BRINP3: variants seen among roughly 807,000 people sequenced by gnomAD.
BRINP3 encodes the protein BMP/retinoic acid inducible neural specific 3.
BRINP3 carries 19 observed loss-of-function variants against 71.0 expected under a neutral mutation model. The ratio of observed to expected loss-of-function variants is 0.27; its 90% CI spans 0.19 to 0.39. The LOEUF (loss-of-function observed/expected upper bound fraction) is 0.39. Ranked by LOEUF, BRINP3 falls within the 10% of genes least tolerant of loss-of-function variation. The pLI is 1.00. For synonymous variants in BRINP3, 380 were observed against 337.7 expected (o/e 1.13, Z -1.37); for missense variants, 959 against 940.8 (o/e 1.02, Z -0.25).
chr1:190,310,075 A>T (rs1448845991), intron 2 of BRINP3, among the ~76,000 whole-genome samples: 1 of 149,550 alleles, frequency 6.7e-6, no homozygotes, highest in African/African-American at 2.5e-5. Flanking sequence ...GTTTTAGTAT[A>T]TATGGACTCA....
rs1419287278 is a variant in BRINP3, at chr1:190,277,129, A to G, written c.427+4431T>C. 3.0e-5 allele frequency among the ~76,000 whole-genome samples: 4 copies of G among 134,640 alleles called. 1 individual carries two copies. The highest frequency in any genetic ancestry group is 7.8e-3 in the Middle Eastern group (2 of 258). The allele number at this position is 134,640 out of a possible 152,430, so 88.3% of individuals were successfully genotyped here. On this transcript the variant is annotated intron_variant, in intron 3 of 7. Transcript: ENST00000367462. Reference sequence around the variant, plus strand: ...TATATATATATATATTTATATTCAGAAAAGAAAACTTTTTCCCTGCATTCC... The same window carrying G: ...TATATATATATATATTTATATTCAGGAAAGAAAACTTTTTCCCTGCATTCC...
intron 2 of BRINP3, among the ~76,000 whole-genome samples, chr1:190,288,525 C>T (rs1663608192): frequency 6.6e-6 from 1 of 151,820 alleles, no homozygotes; most frequent in South Asian, 2.1e-4. Flanking sequence ...AAATGTAAAG[C>T]TTTCAGAATT....
At chr1:190,352,062 A>C (rs778203555) in intron 2 of BRINP3, among the ~76,000 whole-genome samples, 1 of 152,014 alleles carries the variant, frequency 6.6e-6, no homozygotes, top group Non-Finnish European at 1.5e-5. Context: ...TATACCCAAT[A>C]ATAAAAATAA....
intron 5 of BRINP3, among the ~76,000 whole-genome samples, chr1:190,231,197 AC>A (rs1657956769): frequency 2.0e-5 from 3 of 151,812 alleles, no homozygotes; most frequent in African/African-American, 7.2e-5. Context: ...GTCTAGAGTG[AC>A]CCTTCCTTCA....
intron 4 of BRINP3, among the ~76,000 whole-genome samples, chr1:190,253,086 T>G (rs9804075): frequency 0.56 from 85,327 of 151,752 alleles, 24,281 homozygotes; most frequent in Admixed American, 0.68. Flanking sequence ...CTGGATTCAT[T>G]TCCCTGCAAA....
chr1:190,191,648 G>C (rs1654045598), intron 6 of BRINP3, among the ~76,000 whole-genome samples: 1 of 151,674 alleles, frequency 6.6e-6, no homozygotes, highest in Admixed American at 6.6e-5. Context: ...TTTTTATCCA[G>C]TCTGTCACTG....
At chr1:190,210,788 G>C (rs1655916912) in intron 6 of BRINP3, among the ~76,000 whole-genome samples, 1 of 152,070 alleles carries the variant, frequency 6.6e-6, no homozygotes, top group Admixed American at 6.6e-5. Context: ...ATTATCATTT[G>C]AGTCAGCGGA....
At chr1:190,311,723 C>A (rs535116675) in intron 2 of BRINP3, among the ~76,000 whole-genome samples, 2 of 151,042 alleles carry the variant, frequency 1.3e-5, no homozygotes, top group Non-Finnish European at 3.0e-5. Context: ...TTGATTAGAT[C>A]TTCTAAATTG....
At chr1:190,322,862 A>G (rs991209014) in intron 2 of BRINP3, among the ~76,000 whole-genome samples, 1 of 152,210 alleles carries the variant, frequency 6.6e-6, no homozygotes, top group South Asian at 2.1e-4. Flanking sequence ...CTGAGTACTC[A>G]TTAAGTTTCA....
At chr1:190,446,993 A>C (rs938964475) in intron 2 of BRINP3, among the ~76,000 whole-genome samples, 5 of 151,972 alleles carry the variant, frequency 3.3e-5, no homozygotes, top group African/African-American at 4.8e-5. Flanking sequence ...TAAAACAGAA[A>C]GATGAAAAAG....
At chr1:190,111,182 T>TAA (rs750953190) in intron 7 of BRINP3, among the ~76,000 whole-genome samples, 5,193 of 61,778 alleles carry the variant, frequency 0.084, 537 homozygotes, top group East Asian at 0.15. Context: ...AAGACTCCAT[T>TAA]AAAAAAAAAA....
At chr1:190,116,990 GA>G (rs1175421967) in intron 7 of BRINP3, among the ~76,000 whole-genome samples, 2 of 152,046 alleles carry the variant, frequency 1.3e-5, no homozygotes, top group Admixed American at 1.3e-4. Flanking sequence ...TACAGTTGGT[GA>G]AAAGGGAGTA....
intron 2 of BRINP3, among the ~76,000 whole-genome samples, chr1:190,376,987 G>A (rs1158979222): frequency 1.3e-5 from 2 of 151,806 alleles, no homozygotes; most frequent in African/African-American, 4.8e-5. Context: ...CCAATTTGAT[G>A]GTCATTAACC....
At chr1:190,204,413 A>T (rs572345188) in intron 6 of BRINP3, among the ~76,000 whole-genome samples, 24 of 150,746 alleles carry the variant, frequency 1.6e-4, no homozygotes, top group African/African-American at 5.9e-4. Flanking sequence ...AGACTATAGA[A>T]ATAAATTGAC....
intron 2 of BRINP3, among the ~76,000 whole-genome samples, chr1:190,358,640 G>T (rs1388373777): frequency 6.6e-6 from 1 of 152,110 alleles, no homozygotes; most frequent in Non-Finnish European, 1.5e-5. Context: ...AATACCATTT[G>T]ACCCAGCCAT....
At chr1:190,422,165 A>C (rs1285535125) in intron 2 of BRINP3, among the ~76,000 whole-genome samples, 1 of 151,762 alleles carries the variant, frequency 6.6e-6, no homozygotes. Flanking sequence ...AGTGGTACTT[A>C]ACTCGTGGTT....
chr1:190,333,351 T>A (rs1365692271), intron 2 of BRINP3, among the ~76,000 whole-genome samples: 7 of 151,962 alleles, frequency 4.6e-5, no homozygotes, highest in Admixed American at 6.6e-5. Flanking sequence ...ATCACATTTG[T>A]TAATAACACT....
At chr1:190,452,912 C>T (rs144974363) in intron 2 of BRINP3, among the ~76,000 whole-genome samples, 130 of 152,238 alleles carry the variant, frequency 8.5e-4, no homozygotes, top group African/African-American at 2.5e-3. Flanking sequence ...AGCTGATTGA[C>T]TGATAAGCTA....
At chr1:190,235,511 T>C (rs1259687418) in intron 4 of BRINP3, among the ~76,000 whole-genome samples, 2 of 152,012 alleles carry the variant, frequency 1.3e-5, no homozygotes, top group Admixed American at 1.3e-4. Context: ...CATTCTTACT[T>C]AGGGTGTGAC....
Sources: allele counts gnomAD v4.1 joint callset (sites outside exome capture counted in the v4.1 genomes callset), GRCh38; gene constraint gnomAD v4.1.1; transcripts MANE v1.5; gene names NCBI Gene and HGNC (gene_info 2026-07-23, HGNC 2026-07-21).